Variants in ROBO1 observed in about 807,000 individuals in gnomAD.
ROBO1 encodes roundabout homolog 1.
In ROBO1, 149 loss-of-function variants were observed where a neutral mutation model predicts 195.9. The observed-to-expected ratio is 0.76, with a 90% confidence interval of 0.67 to 0.87. The LOEUF is 0.87. ROBO1 is among the 40% of genes least tolerant of loss of function. ROBO1 has a pLI of 0.00. For missense variants in ROBO1, 1,933 were observed against 2,068.3 expected (o/e 0.93, Z 1.27); for synonymous variants, 816 against 733.2 (o/e 1.11, Z -1.82).
intron 1 of ROBO1, among the ~76,000 whole-genome samples, chr3:79,681,455 C>A (rs7635296): frequency 6.6e-6 from 1 of 151,662 alleles, no homozygotes; most frequent in Non-Finnish European, 1.5e-5. Context: ...CCAGAGGCCA[C>A]TGGGAAAGGA....
chr3:78,875,056 A>T (rs1451637803), intron 4 of ROBO1, among the ~76,000 whole-genome samples: 2 of 151,976 alleles, frequency 1.3e-5, no homozygotes, highest in Admixed American at 1.3e-4. Context: ...GCAATGTTAA[A>T]CCAAACTATC....
chr3:79,623,692 C>T (rs1945081325), intron 1 of ROBO1, among the ~76,000 whole-genome samples: 1 of 151,994 alleles, frequency 6.6e-6, no homozygotes, highest in Admixed American at 6.6e-5. Context: ...AAATATGGGA[C>T]TTCAATAAAC....
At chr3:79,313,578 C>A (rs1461792050) in intron 2 of ROBO1, among the ~76,000 whole-genome samples, 3 of 152,160 alleles carry the variant, frequency 2.0e-5, no homozygotes, top group African/African-American at 4.8e-5. Flanking sequence ...AATATCTGAT[C>A]TCACCATAAA....
At chr3:78,602,704 A>G (rs1703247862) in intron 29 of ROBO1, among the ~76,000 whole-genome samples, 1 of 152,078 alleles carries the variant, frequency 6.6e-6, no homozygotes, top group Non-Finnish European at 1.5e-5. Context: ...TGAATCATTA[A>G]TTTATATTTT....
chr3:78,962,716 C>T (rs1299155130), intron 3 of ROBO1, among the ~76,000 whole-genome samples: 3 of 140,770 alleles, frequency 2.1e-5, no homozygotes, highest in African/African-American at 5.3e-5. Flanking sequence ...CCCAGCTACT[C>T]GGGAGGTTGA....
intron 2 of ROBO1, among the ~76,000 whole-genome samples, chr3:79,542,423 T>G (rs1942106007): frequency 6.6e-6 from 1 of 152,176 alleles, no homozygotes; most frequent in African/African-American, 2.4e-5. Flanking sequence ...TAAATAAAGT[T>G]ATTTTTTCAG....
intron 3 of ROBO1, among the ~76,000 whole-genome samples, chr3:79,014,987 A>C (rs1362803358): frequency 6.6e-6 from 1 of 152,148 alleles, no homozygotes; most frequent in African/African-American, 2.4e-5. Flanking sequence ...TAAAAACGAA[A>C]AATAAATGGT....
chr3:79,352,802 ATTAC>A (rs147142058), intron 2 of ROBO1, among the ~76,000 whole-genome samples: 3,165 of 152,290 alleles, frequency 0.021, 100 homozygotes, highest in African/African-American at 0.068. Context: ...GCCGAATAAG[ATTAC>A]TTACTATTGT....
Position 78,714,459 on chromosome 3 carries a change from T to C in ROBO1, c.983A>G (p.Tyr328Cys). ...RKVTAGDMGSYTCVAENMVGK... is the reference protein window; with the variant it reads ...RKVTAGDMGSCTCVAENMVGK... The stretch of plus-strand genomic sequence containing the variant: ...CACCATATTTTCTGCAACACAAGTG[T>C]ATGAACCCATGTCACCAGCTGTCAC... Residue 328 changes from tyrosine (Y) to cysteine (C), a missense_variant, in exon 8 of 31, where the codon TAC becomes TGC. By Grantham distance (194) the Tyr-to-Cys change is radical. Transcript: ENST00000464233. The C allele has an allele frequency of 6.2e-7, 1 of 1,613,340 alleles. No individual in the cohort carries two copies. The highest frequency in any genetic ancestry group is 8.5e-7 in the Non-Finnish European group (1 of 1,179,542).
intron 2 of ROBO1, among the ~76,000 whole-genome samples, chr3:79,545,073 TC>T (rs1369542239): frequency 6.6e-6 from 1 of 151,988 alleles, no homozygotes; most frequent in Non-Finnish European, 1.5e-5. Context: ...TTAAATAGTA[TC>T]CCTGTAAAAA....
intron 3 of ROBO1, among the ~76,000 whole-genome samples, chr3:79,001,119 CA>C (rs2077493549): frequency 6.6e-6 from 1 of 151,610 alleles, no homozygotes; most frequent in Non-Finnish European, 1.5e-5. Context: ...CGGGGCCTGT[CA>C]GGGGGTCGGG....
In ROBO1 at chr3:79,056,167, A is replaced by T. The variant is rs555899424; in HGVS notation, c.172+69289T>A. Among the ~76,000 whole-genome samples the T allele has an allele frequency of 2.6e-4, 40 of 152,078 alleles. No homozygotes were observed. The South Asian group carries it at 8.1e-3, about 31-fold the overall frequency. On this transcript the variant is annotated intron_variant, in intron 3 of 30. Transcript: ENST00000464233. Reference sequence around the variant, plus strand: ...GCTCTACATAAATCGGACTGTGAAAAATCTGTTTTTTACTGTACCATCTAT... The same window carrying T: ...GCTCTACATAAATCGGACTGTGAAATATCTGTTTTTTACTGTACCATCTAT...
intron 2 of ROBO1, among the ~76,000 whole-genome samples, chr3:79,313,725 T>C (rs1197822338): frequency 6.6e-6 from 1 of 152,178 alleles, no homozygotes; most frequent in Non-Finnish European, 1.5e-5. Context: ...AATTCACATA[T>C]AGGTGGGAAA....
intron 3 of ROBO1, among the ~76,000 whole-genome samples, chr3:78,996,214 G>A (rs1021032677): frequency 4.6e-5 from 7 of 151,644 alleles, no homozygotes; most frequent in Admixed American, 6.6e-5. Context: ...AGCCAGGCAC[G>A]GTGGCTCACA....
At chr3:79,314,012 T>C (rs912021246) in intron 2 of ROBO1, among the ~76,000 whole-genome samples, 3 of 152,108 alleles carry the variant, frequency 2.0e-5, no homozygotes, top group African/African-American at 7.2e-5. Flanking sequence ...GTTTGTCTTT[T>C]TTGATCTAAA....
At chr3:79,057,316 G>C (rs1046940183) in intron 3 of ROBO1, among the ~76,000 whole-genome samples, 2 of 151,956 alleles carry the variant, frequency 1.3e-5, no homozygotes, top group African/African-American at 4.8e-5. Flanking sequence ...GATTAACTTG[G>C]GAAAGAGGAT....
At chr3:79,020,254 T>A (rs940249307) in intron 3 of ROBO1, among the ~76,000 whole-genome samples, 5 of 152,252 alleles carry the variant, frequency 3.3e-5, no homozygotes, top group African/African-American at 1.2e-4. Flanking sequence ...GTTATAGCTC[T>A]GTGACCAGGT....
intron 2 of ROBO1, among the ~76,000 whole-genome samples, chr3:79,436,255 AC>A (rs2038883583): frequency 6.6e-6 from 1 of 152,192 alleles, no homozygotes; most frequent in Non-Finnish European, 1.5e-5. Flanking sequence ...CCTTTAAAAG[AC>A]TAAAGTATTT....
At chr3:79,048,535 T>A (rs1047229449) in intron 3 of ROBO1, among the ~76,000 whole-genome samples, 1 of 152,108 alleles carries the variant, frequency 6.6e-6, no homozygotes, top group Non-Finnish European at 1.5e-5. Flanking sequence ...CGCAGCTGAG[T>A]GTGGTTGGAG....
Sources: allele counts gnomAD v4.1 joint callset (sites outside exome capture counted in the v4.1 genomes callset), GRCh38; gene constraint gnomAD v4.1.1; transcripts MANE v1.5; gene names NCBI Gene and HGNC (gene_info 2026-07-23, HGNC 2026-07-21).